Variants in SLCO1A2 observed in about 807,000 individuals in gnomAD.
SLCO1A2 encodes the protein solute carrier organic anion transporter family member 1A2.
A neutral mutation model predicts 69.0 loss-of-function variants in SLCO1A2; 67 were observed. That is an observed-to-expected ratio of 0.97 (90% CI 0.80 to 1.19). The LOEUF (loss-of-function observed/expected upper bound fraction) is 1.19, where lower values mean the gene tolerates loss of function less well. SLCO1A2 is among the 50% of genes most tolerant of loss of function. The probability of loss-of-function intolerance (pLI) is 0.00; values close to 1 mark genes in which losing one functional copy is unlikely to be tolerated. For synonymous variants in SLCO1A2, 260 were observed against 265.9 expected (o/e 0.98, Z 0.22); for missense variants, 787 against 793.7 (o/e 0.99, Z 0.10).
intron 1 of SLCO1A2, among the ~76,000 whole-genome samples, chr12:21,394,152 C>T (rs1468612664): frequency 3.8e-4 from 58 of 152,056 alleles, no homozygotes; most frequent in Admixed American, 3.2e-3. Flanking sequence ...GAAAGAAACA[C>T]GGGCCCATGA....
At position 21,347,692 on chromosome 12, in the gene SLCO1A2, G is replaced by GGAAGGAAGGAAT. The variant is rs1487396686; in HGVS notation, c.-62-12984_-62-12983insATTCCTTCCTTC. Reference sequence around the variant, plus strand: ...AGAAAGGAAGGAAGGAAGGAAGGAAGGAAGGAAGAAGGAAAAAAGGAAGGA... The same window carrying GGAAGGAAGGAAT: ...AGAAAGGAAGGAAGGAAGGAAGGAAGGAAGGAAGGAATGAAGGAAGAAGGAAAAAAGGAAGGA... On this transcript the variant is annotated intron_variant, in intron 2 of 15. Coordinates refer to the SLCO1A2 transcript ENST00000307378. 3.9e-4 allele frequency among the ~76,000 whole-genome samples: 55 copies of GGAAGGAAGGAAT among 142,418 alleles called. 1 individual carries two copies. In the East Asian group the frequency reaches 4.5e-3, roughly 12 times the overall value. 93.4% of individuals were successfully genotyped at this position (142,418 alleles called of 152,430 possible). A position where few individuals can be genotyped will look rare whatever the true frequency, so the allele number is the denominator to read the frequency against.
At chr12:21,397,840 A>G (rs374531760), upstream of SLCO1A2, among the ~76,000 whole-genome samples, 4,870 of 117,940 alleles carry the variant, frequency 0.041, 114 homozygotes, top group African/African-American at 0.065. Context: ...ACAAAGACAC[A>G]ACATACCAGA....
intron 2 of SLCO1A2, among the ~76,000 whole-genome samples, chr12:21,365,571 T>C (rs1210451786): frequency 6.6e-6 from 1 of 152,124 alleles, no homozygotes; most frequent in Middle Eastern, 3.2e-3. Context: ...CTAAAGAGCT[T>C]CTGCACATCA....
At chr12:21,348,391 C>T (rs1565510701) in intron 2 of SLCO1A2, among the ~76,000 whole-genome samples, 2 of 152,130 alleles carry the variant, frequency 1.3e-5, no homozygotes, top group African/African-American at 4.8e-5. Context: ...CCCTCACAGC[C>T]CCCCATGACA....
intron 12 of SLCO1A2, among the ~76,000 whole-genome samples, chr12:21,279,932 T>C (rs759586889): frequency 1.6e-4 from 24 of 151,768 alleles, no homozygotes; most frequent in Non-Finnish European, 2.9e-4. Context: ...AATAACAAAA[T>C]GTTAAAAATT....
Position 21,295,725 on chromosome 12 carries a change from C to T in SLCO1A2, c.1143G>A (p.Lys381=), listed in dbSNP as rs1460630131. The T allele has an allele frequency of 6.2e-7, 1 of 1,606,328 alleles. No homozygotes were observed. Among genetic ancestry groups the T allele is most frequent in the East Asian group, 2.2e-5 (1 of 44,704 alleles). The part of the protein sequence containing the change: ...IIGGLIMKKF[K]ITVKQAAHIG... ...TGTGGGCAGCTTGTTTGACAGTAAT[C>T]TTGAACTTCTTCATAATTAAACCAC... is the stretch of plus-strand genomic sequence containing the variant. Residue 381 remains lysine, a synonymous_variant, in exon 10 of 15, where the codon AAG becomes AAA. Transcript: ENST00000683939.
At chr12:21,374,135 G>C (rs889552176) in intron 2 of SLCO1A2, among the ~76,000 whole-genome samples, 11 of 152,130 alleles carry the variant, frequency 7.2e-5, no homozygotes, top group Admixed American at 2.6e-4. Context: ...TTCCTGGGAA[G>C]TCTTATTACG....
At chr12:21,413,231 C>CTTTTTTTTT in intron 1 of SLCO1A2, among the ~76,000 whole-genome samples, 1 of 94,718 alleles carries the variant, frequency 1.1e-5, no homozygotes, top group South Asian at 3.5e-4. Context: ...TTTTCTTTTT[C>CTTTTTTTTT]TTTTTCTTTT....
chr12:21,317,864 C>T (rs1003747992), intron 3 of SLCO1A2, among the ~76,000 whole-genome samples: 1 of 152,058 alleles, frequency 6.6e-6, no homozygotes, highest in African/African-American at 2.4e-5. Context: ...TCTTCCTTTC[C>T]CCCATTCTCC....
rs1468885912 is a variant in SLCO1A2, at chr12:21,314,533, A to T, written c.335+16T>A. On this transcript the variant is annotated intron_variant, in intron 4 of 14. Coordinates refer to ENST00000683939, the MANE Select transcript of SLCO1A2 (RefSeq NM_001386879.1). ...TGAAATTTGACCACCCAAAATTATC[A>T]GACTGGAGTACTTACTGGTTCATGA... The T allele has an allele frequency of 1.2e-6, 2 of 1,610,328 alleles. No homozygotes were observed.
intron 12 of SLCO1A2, among the ~76,000 whole-genome samples, chr12:21,284,350 G>T (rs1945352124): frequency 6.6e-6 from 1 of 152,166 alleles, no homozygotes; most frequent in South Asian, 2.1e-4. Context: ...TCCATCTGAG[G>T]TACCGGGTTT....
chr12:21,348,278 G>A (rs963345517), intron 2 of SLCO1A2, among the ~76,000 whole-genome samples: 1 of 152,124 alleles, frequency 6.6e-6, no homozygotes, highest in Non-Finnish European at 1.5e-5. Context: ...ATTTTAAAAT[G>A]TATGGTTAAG....
chr12:21,329,219 C>A (rs1952448514), intron 2 of SLCO1A2, among the ~76,000 whole-genome samples: 1 of 152,164 alleles, frequency 6.6e-6, no homozygotes, highest in South Asian at 2.1e-4. Context: ...TTATATTGAT[C>A]TACAAAATGG....
chr12:21,414,759 A>C (rs1280277133), intron 1 of SLCO1A2, among the ~76,000 whole-genome samples: 1 of 152,194 alleles, frequency 6.6e-6, no homozygotes, highest in East Asian at 1.9e-4. Flanking sequence ...CTTACCAATA[A>C]TGAAAGGATG....
chr12:21,319,644 C>T, intron 2 of SLCO1A2: 1 of 381,126 alleles, frequency 2.6e-6, no homozygotes, highest in South Asian at 2.1e-5. Context: ...CTTTCCTGAA[C>T]CTTGGAGAAT....
At position 21,350,835 on chromosome 12, in the gene SLCO1A2, CAAAAAAAAAA is replaced by C. The variant is rs11454466; in HGVS notation, c.-62-16136_-62-16127del. Among the ~76,000 whole-genome samples, 379 of 40,722 alleles carry C rather than the reference CAAAAAAAAAA, an allele frequency of 9.3e-3. 6 individuals carry two copies. Among genetic ancestry groups the C allele is most frequent in the African/African-American group, 0.035 (353 of 10,108 alleles). 26.7% of individuals were successfully genotyped at this position (40,722 alleles called of 152,430 possible). On this transcript the variant is annotated intron_variant, in intron 2 of 15. Transcript: ENST00000307378. ...CTGGTGACAGAGCAAGACTCTGTCT[CAAAAAAAAAA>C]AAAAAAAAAAAAAAAAAAAGTCATG...
chr12:21,369,067 G>A (rs1412574698), intron 2 of SLCO1A2, among the ~76,000 whole-genome samples: 1 of 152,086 alleles, frequency 6.6e-6, no homozygotes, highest in African/African-American at 2.4e-5. Flanking sequence ...AGGAACTACT[G>A]TGTTTATTAT....
intron 9 of SLCO1A2, 92 bp downstream of exon 9, chr12:21,297,312 A>G (rs1947880113): frequency 6.1e-6 from 5 of 815,900 alleles, no homozygotes; most frequent in Non-Finnish European, 7.2e-6. Flanking sequence ...AAAATATCCT[A>G]AAACACTTCA....
chr12:21,418,931 T>A (rs1401622054), upstream of SLCO1A2, among the ~76,000 whole-genome samples: 9 of 152,060 alleles, frequency 5.9e-5, 1 homozygote, highest in African/African-American at 2.2e-4. Context: ...TTGAAAAAAA[T>A]TAAGAATAAT....
Sources: gnomAD v4.1 joint callset for allele counts (sites outside exome capture counted in the v4.1 genomes callset) on GRCh38, gnomAD v4.1.1 for gene constraint, MANE v1.5 for transcripts, NCBI Gene and HGNC (gene_info 2026-07-23, HGNC 2026-07-21) for gene names.